The following TNRC18 variants were observed in gnomAD, a reference collection of about 807,000 sequenced individuals.
TNRC18 encodes trinucleotide repeat containing 18.
In TNRC18, 69 loss-of-function variants were observed where a neutral mutation model predicts 226.7. The ratio of observed to expected loss-of-function variants is 0.30; its 90% CI spans 0.25 to 0.37. The LOEUF (loss-of-function observed/expected upper bound fraction) is 0.37. Among genes scored for constraint, TNRC18 ranks in the 10% least tolerant of loss-of-function variants. The pLI, the probability that TNRC18 is intolerant of heterozygous loss-of-function variation, is 1.00. For missense variants in TNRC18, 4,754 were observed against 4,256.6 expected, an observed-to-expected ratio of 1.12 and a Z score of -3.25; for synonymous variants, 2,449 against 1,927.6, an observed-to-expected ratio of 1.27 and a Z score of -7.09.
rs1271186119 is a variant in TNRC18, at chr7:5,332,715, C to A, written c.6054G>T (p.Ala2018=). ...SAAAPAPVST[A]PATKTSRCAK... ...CGCAGCGGCTGGTCTTGGTGGCGGGCGCGGTGCTGACGGGCGCAGGTGCAG... is the reference window on the plus strand; with the variant it reads ...CGCAGCGGCTGGTCTTGGTGGCGGGAGCGGTGCTGACGGGCGCAGGTGCAG... The change falls in exon 19 of 30, where the codon GCG becomes GCT. Residue 2018 remains alanine, a synonymous_variant. Coordinates refer to ENST00000430969, the MANE Select transcript of TNRC18 (RefSeq NM_001080495.3). The A allele has an allele frequency of 5.9e-6, 9 of 1,527,390 alleles. No individual in the cohort carries two copies. The highest frequency in any genetic ancestry group is 1.4e-5 in the African/African-American group (1 of 70,890). 94.6% of individuals were successfully genotyped at this position (1,527,390 alleles called of 1,614,324 possible). A position where few individuals can be genotyped will look rare whatever the true frequency, so the allele number is the denominator to read the frequency against.
intron 18 of TNRC18, among the ~76,000 whole-genome samples, chr7:5,344,475 G>A (rs1790973464): frequency 6.6e-6 from 1 of 152,202 alleles, no homozygotes; most frequent in Non-Finnish European, 1.5e-5. Context: ...GAGCGAGGAG[G>A]GGGAAGGCAG....
chr7:5,404,373 GA>G (rs954462988), intron 2 of TNRC18, among the ~76,000 whole-genome samples: 1 of 149,650 alleles, frequency 6.7e-6, no homozygotes, highest in African/African-American at 2.5e-5. Flanking sequence ...TCCGTCTTGA[GA>G]AAAAAAAAGA....
At chr7:5,347,037 G>A (rs1238373144) in intron 17 of TNRC18, among the ~76,000 whole-genome samples, 1 of 151,732 alleles carries the variant, frequency 6.6e-6, no homozygotes, top group African/African-American at 2.4e-5. Flanking sequence ...CCCAGAGCTG[G>A]CAGACTGTCT....
At chr7:5,359,274 A>G (rs1416348113) in intron 15 of TNRC18, 124 bp downstream of exon 15, 1 of 1,012,796 alleles carries the variant, frequency 9.9e-7, no homozygotes, top group Non-Finnish European at 1.5e-6. Context: ...CCGGCATTGA[A>G]GACAACCACT....
chr7:5,398,716 C>G (rs1051130769), intron 2 of TNRC18, among the ~76,000 whole-genome samples: 1 of 152,064 alleles, frequency 6.6e-6, no homozygotes, highest in African/African-American at 2.4e-5. Context: ...CTCCTGAGCT[C>G]AATCAATCCT....
intron 2 of TNRC18, among the ~76,000 whole-genome samples, chr7:5,395,017 C>T (rs987073976): frequency 1.3e-5 from 2 of 152,136 alleles, no homozygotes; most frequent in African/African-American, 2.4e-5. Flanking sequence ...GACTTACAGG[C>T]GGGGGGCTCA....
chr7:5,329,423 A>G (rs7780272), intron 19 of TNRC18, among the ~76,000 whole-genome samples: 5,642 of 149,744 alleles, frequency 0.038, 333 homozygotes, highest in African/African-American at 0.13. Context: ...GTGGCCCACA[A>G]CTGTAATCCC....
chr7:5,349,978 C>G (rs1791613625), intron 17 of TNRC18, among the ~76,000 whole-genome samples: 1 of 152,150 alleles, frequency 6.6e-6, no homozygotes, highest in African/African-American at 2.4e-5. Context: ...CTTGGCACTG[C>G]GGCGCCAGCC....
intron 5 of TNRC18, among the ~76,000 whole-genome samples, chr7:5,383,309 C>A (rs1375246874): frequency 6.6e-6 from 1 of 152,168 alleles, no homozygotes; most frequent in African/African-American, 2.4e-5. Context: ...GGTCCAAGGC[C>A]CCCTGAGGCC....
In TNRC18 at chr7:5,356,899, C is replaced by T. The variant is rs186997584; in HGVS notation, c.5194+17G>A. 2.6e-6 allele frequency: 4 copies of T among 1,511,146 alleles called. No homozygotes were observed. The highest frequency in any genetic ancestry group is 2.5e-5 in the East Asian group (1 of 40,534). 93.6% of individuals were successfully genotyped at this position (1,511,146 alleles called of 1,614,324 possible). A position where few individuals can be genotyped will look rare whatever the true frequency, so the allele number is the denominator to read the frequency against. ...GAGAAGCAGCGGACCAGAGGTGGCG[C>T]GGCATACGCTACTTACTGTAAGAGT... On this transcript the variant is annotated intron_variant, in intron 16 of 29. Coordinates refer to ENST00000430969, the MANE Select transcript of TNRC18 (RefSeq NM_001080495.3).
chr7:5,362,540 C>T (rs1483231410), intron 12 of TNRC18, 110 bp downstream of exon 12: 1 of 1,080,624 alleles, frequency 9.3e-7, no homozygotes, highest in Non-Finnish European at 1.3e-6. Context: ...TAGCTCAGGC[C>T]TCTCTGGCGC....
intron 27 of TNRC18, among the ~76,000 whole-genome samples, chr7:5,310,663 G>A (rs537749008): frequency 1.3e-5 from 2 of 152,362 alleles, no homozygotes; most frequent in East Asian, 1.9e-4. Flanking sequence ...GCCTCCCAAA[G>A]TGCTGGGATT....
intron 18 of TNRC18, among the ~76,000 whole-genome samples, chr7:5,338,013 T>TA (rs1227095133): frequency 6.6e-6 from 1 of 152,088 alleles, no homozygotes; most frequent in Non-Finnish European, 1.5e-5. Context: ...ACTAAGTTTG[T>TA]AACATTGTCT....
intron 18 of TNRC18, among the ~76,000 whole-genome samples, chr7:5,341,235 C>A (rs1006290944): frequency 1.4e-5 from 2 of 147,004 alleles, no homozygotes; most frequent in East Asian, 4.0e-4. Flanking sequence ...CACAGTGAAA[C>A]CCTGTCTCTA....
intron 4 of TNRC18, chr7:5,389,562 C>A: frequency 2.6e-6 from 1 of 378,202 alleles, no homozygotes; most frequent in Admixed American, 5.1e-5. Context: ...TCAAGCGATT[C>A]TCCTGCCTCA....
intron 2 of TNRC18, among the ~76,000 whole-genome samples, chr7:5,416,938 G>T (rs577827468): frequency 6.6e-6 from 1 of 151,728 alleles, no homozygotes; most frequent in East Asian, 1.9e-4. Context: ...AGCTATAAAC[G>T]CAATACTGCA....
chr7:5,358,672 G>GA, intron 15 of TNRC18, among the ~76,000 whole-genome samples: 1 of 152,262 alleles, frequency 6.6e-6, no homozygotes, highest in Admixed American at 6.5e-5. Flanking sequence ...AAATCAGCTG[G>GA]ACATAGTGGT....
At chr7:5,410,203 C>G (rs370069433) in intron 2 of TNRC18, among the ~76,000 whole-genome samples, 68 of 148,180 alleles carry the variant, frequency 4.6e-4, no homozygotes, top group African/African-American at 1.6e-3. Flanking sequence ...CCCAGCTACT[C>G]GGGAGGCTGA....
chr7:5,415,962 A>T (rs1464452077), intron 2 of TNRC18, among the ~76,000 whole-genome samples: 1 of 151,256 alleles, frequency 6.6e-6, no homozygotes, highest in East Asian at 2.0e-4. Flanking sequence ...CAAAAAAAAA[A>T]AATTGGCTGG....
Sources: allele counts gnomAD v4.1 joint callset (sites outside exome capture counted in the v4.1 genomes callset), GRCh38; gene constraint gnomAD v4.1.1; transcripts MANE v1.5; gene names NCBI Gene and HGNC (gene_info 2026-07-23, HGNC 2026-07-21).